Variants in MAN2A1 observed in about 807,000 individuals in gnomAD.
The protein encoded by MAN2A1 is mannosidase alpha class 2A member 1.
Under a neutral mutation model 142.6 loss-of-function variants are expected in MAN2A1, and 76 were observed. The observed-to-expected ratio is 0.53, with a 90% CI of 0.44 to 0.65. The LOEUF is 0.65. MAN2A1 is among the 30% of genes least tolerant of loss of function. The pLI, the probability that MAN2A1 is intolerant of heterozygous loss-of-function variation, is 0.00. For synonymous variants in MAN2A1, 559 were observed against 473.2 expected (o/e 1.18, Z -2.35); for missense variants, 1,311 against 1,365.1 (o/e 0.96, Z 0.62).
At chr5:109,769,046 C>G (rs1753067919) in intron 6 of MAN2A1, among the ~76,000 whole-genome samples, 1 of 152,128 alleles carries the variant, frequency 6.6e-6, no homozygotes, top group Admixed American at 6.5e-5. Flanking sequence ...TGCAAATTAG[C>G]TGCAAAAGAG....
intron 3 of MAN2A1, among the ~76,000 whole-genome samples, chr5:109,726,406 T>C (rs1026453323): frequency 6.6e-6 from 1 of 152,238 alleles, no homozygotes; most frequent in Non-Finnish European, 1.5e-5. Flanking sequence ...TATTACTCAG[T>C]ACTGAAAGCT....
At chr5:109,741,144 T>C (rs1752256768) in intron 4 of MAN2A1, among the ~76,000 whole-genome samples, 1 of 152,136 alleles carries the variant, frequency 6.6e-6, no homozygotes, top group Non-Finnish European at 1.5e-5. Context: ...CATTGGAAAA[T>C]ATTCTGGAAT....
At chr5:109,713,402 AGT>A in intron 1 of MAN2A1, 116 bp from the exon 2 acceptor site, 1 of 722,530 alleles carries the variant, frequency 1.4e-6, no homozygotes, top group Non-Finnish European at 2.1e-6. Context: ...AAAAGTGGAA[AGT>A]GAAGGGTGAG....
intron 1 of MAN2A1, among the ~76,000 whole-genome samples, chr5:109,691,998 C>T (rs1750685809): frequency 6.6e-6 from 1 of 152,092 alleles, no homozygotes. Context: ...TTCAGATTTT[C>T]CTCCATTACA....
chr5:109,807,035 C>T (rs1249122980), intron 12 of MAN2A1, among the ~76,000 whole-genome samples: 1 of 151,912 alleles, frequency 6.6e-6, no homozygotes, highest in Admixed American at 6.6e-5. Flanking sequence ...TGTACCTTAG[C>T]GTTGAATTTT....
At chr5:109,865,705 A>G (rs77200548) in intron 21 of MAN2A1, among the ~76,000 whole-genome samples, 3 of 152,256 alleles carry the variant, frequency 2.0e-5, no homozygotes, top group African/African-American at 7.2e-5. Flanking sequence ...GCAGATTTGC[A>G]TATGAGTCAA....
chr5:109,730,999 T>C (rs895089824), intron 4 of MAN2A1, among the ~76,000 whole-genome samples: 2 of 152,200 alleles, frequency 1.3e-5, no homozygotes, highest in Admixed American at 6.6e-5. Flanking sequence ...TCTGTTTGAC[T>C]GTAATTGTTG....
At chr5:109,852,552 C>A (rs1178571623) in intron 19 of MAN2A1, among the ~76,000 whole-genome samples, 1 of 152,144 alleles carries the variant, frequency 6.6e-6, no homozygotes, top group East Asian at 1.9e-4. Flanking sequence ...GGACTAAGGG[C>A]TGGAACCCAG....
At chr5:109,757,151 G>A (rs545486764) in intron 5 of MAN2A1, among the ~76,000 whole-genome samples, 8 of 151,978 alleles carry the variant, frequency 5.3e-5, no homozygotes, top group Non-Finnish European at 8.8e-5. Flanking sequence ...GTGTGAGTAC[G>A]ACAATATGTT....
At chr5:109,769,414 A>G (rs1364826801) in intron 6 of MAN2A1, among the ~76,000 whole-genome samples, 2 of 152,216 alleles carry the variant, frequency 1.3e-5, no homozygotes, top group Non-Finnish European at 2.9e-5. Context: ...TTCACTTATT[A>G]AAAATGTAAA....
chr5:109,722,580 A>G (rs1379682205), intron 3 of MAN2A1, among the ~76,000 whole-genome samples: 3 of 151,838 alleles, frequency 2.0e-5, no homozygotes, highest in Admixed American at 1.3e-4. Context: ...GTGCCTAGCT[A>G]TTTTTTTGTA....
At chr5:109,740,956 G>C (rs930247999) in intron 4 of MAN2A1, among the ~76,000 whole-genome samples, 4 of 151,694 alleles carry the variant, frequency 2.6e-5, no homozygotes, top group Admixed American at 2.6e-4. Flanking sequence ...ATATAAAATT[G>C]CCAATATTTG....
chr5:109,755,963 G>T (rs904047128), intron 5 of MAN2A1, among the ~76,000 whole-genome samples: 1 of 151,826 alleles, frequency 6.6e-6, no homozygotes, highest in African/African-American at 2.4e-5. Flanking sequence ...CTAGGCAGCC[G>T]AGACTAATTT....
In MAN2A1 at chr5:109,690,320, C is replaced by G. The variant is rs1372224618; in HGVS notation, c.-98C>G. The G allele has an allele frequency of 4.5e-6, 6 of 1,345,986 alleles. No individual in the cohort carries two copies. Among genetic ancestry groups the G allele is most frequent in the South Asian group, 3.6e-5 (3 of 83,510 alleles). The allele number at this position is 1,345,986 out of a possible 1,614,324, so 83.4% of individuals were successfully genotyped here. A position where few individuals can be genotyped will look rare whatever the true frequency, so the allele number is the denominator to read the frequency against. Reference sequence around the variant, plus strand: ...CCGAGAGCGCGGAGGTCGCGCAGCCCGGGAGAAGGGAGCCTCCGGCGGCTG... The same window carrying G: ...CCGAGAGCGCGGAGGTCGCGCAGCCGGGGAGAAGGGAGCCTCCGGCGGCTG... On this transcript the variant is annotated 5_prime_UTR_variant, in exon 1 of 22. Coordinates refer to ENST00000261483, the MANE Select transcript of MAN2A1 (RefSeq NM_002372.4).
intron 1 of MAN2A1, among the ~76,000 whole-genome samples, chr5:109,712,877 G>C (rs1232654146): frequency 6.6e-6 from 1 of 152,190 alleles, no homozygotes; most frequent in Non-Finnish European, 1.5e-5. Context: ...GTATTATTTT[G>C]TATAACGAGG....
At chr5:109,832,813 G>A (rs1580299433) in intron 16 of MAN2A1, among the ~76,000 whole-genome samples, 1 of 151,804 alleles carries the variant, frequency 6.6e-6, no homozygotes. Flanking sequence ...GCTGGGTGGG[G>A]GCTGTCCCCC....
chr5:109,781,788 T>C (rs1753465671), intron 9 of MAN2A1, among the ~76,000 whole-genome samples, 190 bp downstream of exon 9: 1 of 152,178 alleles, frequency 6.6e-6, no homozygotes, highest in Admixed American at 6.6e-5. Context: ...ATCAAATTAT[T>C]ACATGGGTTT....
At chr5:109,818,502 A>G (rs1033964259) in intron 13 of MAN2A1, among the ~76,000 whole-genome samples, 5 of 152,170 alleles carry the variant, frequency 3.3e-5, no homozygotes, top group African/African-American at 1.2e-4. Context: ...AGCTCCTGGA[A>G]AGCAGGGGTC....
At chr5:109,843,227 A>G (rs901388698) in intron 17 of MAN2A1, among the ~76,000 whole-genome samples, 1 of 152,202 alleles carries the variant, frequency 6.6e-6, no homozygotes, top group Admixed American at 6.5e-5. Flanking sequence ...GCCTCAGGAA[A>G]CTTACAATCG....
Sources: gnomAD v4.1 joint callset for allele counts (sites outside exome capture counted in the v4.1 genomes callset) on GRCh38, gnomAD v4.1.1 for gene constraint, MANE v1.5 for transcripts, NCBI Gene and HGNC (gene_info 2026-07-23, HGNC 2026-07-21) for gene names.